The following ARAP2 variants were observed in gnomAD, a reference collection of about 807,000 sequenced individuals.
The protein encoded by ARAP2 is ArfGAP with RhoGAP domain, ankyrin repeat and PH domain 2, also known as arf-GAP with Rho-GAP domain, ANK repeat and PH domain-containing protein 2.
Under a neutral mutation model 194.5 loss-of-function variants are expected in ARAP2, and 148 were observed. The ratio of observed to expected loss-of-function variants is 0.76; its 90% confidence interval spans 0.67 to 0.87. ARAP2 has a LOEUF of 0.87. ARAP2 is among the 40% of genes least tolerant of loss of function. The pLI, the probability that ARAP2 is intolerant of heterozygous loss-of-function variation, is 0.00. For missense variants in ARAP2, 2,128 were observed against 1,989.7 expected, an observed-to-expected ratio of 1.07 and a Z score of -1.32; for synonymous variants, 695 against 683.5, an observed-to-expected ratio of 1.02 and a Z score of -0.26.
intron 6 of ARAP2, chr4:36,019,117 T>TATAAAATACATCTTTA (rs1560273618): frequency 6.7e-6 from 1 of 149,584 alleles, no homozygotes; most frequent in Non-Finnish European, 1.5e-5. Context: ...AATACATCTT[T>TATAAAATACATCTTTA]TAAAAATTGT....
At chr4:36,184,507 C>T (rs1197193405) in intron 8 of ARAP2, among the ~76,000 whole-genome samples, 1 of 151,970 alleles carries the variant, frequency 6.6e-6, no homozygotes, top group Non-Finnish European at 1.5e-5. Context: ...TTATACTGCC[C>T]CAAGTTTATA....
chr4:36,228,131 C>G (rs770901993), intron 2 of ARAP2, among the ~76,000 whole-genome samples: 1 of 152,142 alleles, frequency 6.6e-6, no homozygotes, highest in Non-Finnish European at 1.5e-5. Context: ...AGACCAAGTT[C>G]AATAGACATG....
chr4:36,156,317 A>AAGGG (rs1370640800), intron 15 of ARAP2, among the ~76,000 whole-genome samples: 48 of 112,468 alleles, frequency 4.3e-4, no homozygotes, highest in East Asian at 6.1e-4. Context: ...GGAAGGAAGG[A>AAGGG]AGGGAGGGAG....
At chr4:36,074,475 G>T (rs1379000887) in intron 31 of ARAP2, among the ~76,000 whole-genome samples, 1 of 151,934 alleles carries the variant, frequency 6.6e-6, no homozygotes, top group Non-Finnish European at 1.5e-5. Context: ...TTTGGATGGG[G>T]ATAAATGTTC....
At position 36,082,177 on chromosome 4, in the gene ARAP2, A is replaced by G. The variant is rs186861861; in HGVS notation, c.4544+74T>C. The G allele has an allele frequency of 3.7e-3, 4,964 of 1,355,928 alleles. 20 individuals carry two copies. The highest frequency in any genetic ancestry group is 4.5e-3 in the Non-Finnish European group (4,344 of 962,988). 84.0% of individuals were successfully genotyped at this position (1,355,928 alleles called of 1,614,324 possible). On this transcript the variant is annotated intron_variant, in intron 30 of 32. Transcript: ENST00000303965. ...ACTTTCCGTCTGTAGTTCTATCTGC[A>G]ATTACTGAAATTATTCTTTTCCTGA...
At chr4:36,075,469 C>A (rs1001565282) in intron 31 of ARAP2, among the ~76,000 whole-genome samples, 1 of 152,084 alleles carries the variant, frequency 6.6e-6, no homozygotes, top group South Asian at 2.1e-4. Flanking sequence ...AAAGACCACA[C>A]CTAAACATCT....
At chr4:36,051,756 C>T (rs957750022) in intron 3 of ARAP2, among the ~76,000 whole-genome samples, 1 of 152,064 alleles carries the variant, frequency 6.6e-6, no homozygotes, top group African/African-American at 2.4e-5. Flanking sequence ...ATTTATAAAT[C>T]TACTTAAACG....
At chr4:36,039,580 C>T (rs924471641) in intron 5 of ARAP2, among the ~76,000 whole-genome samples, 4 of 152,114 alleles carry the variant, frequency 2.6e-5, no homozygotes, top group African/African-American at 7.2e-5. Context: ...AAATCCTGCT[C>T]ATATTTTTAA....
rs538544073 is a variant in ARAP2, at chr4:36,177,888, T to C, written c.1796A>G (p.Tyr599Cys). 8.7e-5 allele frequency: 141 copies of C among 1,613,542 alleles called. 1 individual carries two copies. The South Asian group carries it at 1.2e-3, about 13-fold the overall frequency. ...TAACACAGTAAAAATTTTTGCCTTA[T>C]AGCCTCTCAATTCAAGATATCCACA... is the stretch of plus-strand genomic sequence containing the variant. ...EKCGYLELRG[Y>C]KAKIFTVLSG... Residue 599 changes from tyrosine (Y) to cysteine (C), a missense_variant, in exon 9 of 33, where the codon TAT becomes TGT. Physicochemically the swap from Tyr to Cys is radical, Grantham distance 194 (BLOSUM62 -2). Transcript: ENST00000303965.
chr4:36,062,067 T>A (rs1476762427), downstream of ARAP2, among the ~76,000 whole-genome samples: 1 of 152,226 alleles, frequency 6.6e-6, no homozygotes, highest in Non-Finnish European at 1.5e-5. Flanking sequence ...GTTGGATAGT[T>A]TGCAAATATT....
chr4:36,055,603 G>T (rs558307430), intron 2 of ARAP2, among the ~76,000 whole-genome samples: 2 of 151,510 alleles, frequency 1.3e-5, no homozygotes, highest in Non-Finnish European at 2.9e-5. Flanking sequence ...TCACTCTGTC[G>T]CCCAGGCTGG....
chr4:36,092,443 T>C (rs912726400), intron 27 of ARAP2, among the ~76,000 whole-genome samples: 2 of 152,110 alleles, frequency 1.3e-5, no homozygotes, highest in Non-Finnish European at 2.9e-5. Flanking sequence ...AACCCGTCTC[T>C]ACTAAAAATA....
chr4:36,189,920 C>A (rs1040863409), intron 7 of ARAP2, among the ~76,000 whole-genome samples: 1 of 152,186 alleles, frequency 6.6e-6, no homozygotes, highest in African/African-American at 2.4e-5. Flanking sequence ...TCCAGTCCAT[C>A]TGAAATAGAA....
chr4:36,035,532 T>C (rs1043087382), intron 5 of ARAP2, among the ~76,000 whole-genome samples: 1 of 152,160 alleles, frequency 6.6e-6, no homozygotes, highest in African/African-American at 2.4e-5. Flanking sequence ...ATATGCCTAG[T>C]AATAAAATTA....
chr4:36,215,617 C>T (rs915297184), intron 2 of ARAP2, among the ~76,000 whole-genome samples: 21 of 152,164 alleles, frequency 1.4e-4, no homozygotes, highest in Admixed American at 5.2e-4. Context: ...TATAATGTCA[C>T]GTACTAGTGA....
chr4:36,202,900 C>T (rs1361175839), intron 6 of ARAP2, among the ~76,000 whole-genome samples: 2 of 152,150 alleles, frequency 1.3e-5, no homozygotes, highest in African/African-American at 4.8e-5. Flanking sequence ...GTGAACTGAT[C>T]GCTAATCCAG....
chr4:36,178,059 A>T, intron 8 of ARAP2, 54 bp from the exon 9 acceptor site: 2 of 1,471,656 alleles, frequency 1.4e-6, no homozygotes, highest in Non-Finnish European at 1.8e-6. Flanking sequence ...TTACATAGAC[A>T]CAGAAACGTC....
intron 8 of ARAP2, among the ~76,000 whole-genome samples, chr4:36,183,482 G>T (rs142030389): frequency 2.8e-4 from 42 of 152,146 alleles, no homozygotes; most frequent in Admixed American, 4.6e-4. Context: ...CTTGGAAAGG[G>T]AATGCCCACT....
rs772608807 is a variant in ARAP2, at chr4:36,212,464, A to C, written c.1065T>G (p.Phe355Leu). The change falls in exon 5 of 33, where the codon TTT becomes TTG. Residue 355 changes from phenylalanine to leucine, a missense_variant. Coordinates refer to ENST00000303965, the MANE Select transcript of ARAP2 (RefSeq NM_015230.4). Reference protein sequence around the residue: ...NSKKRSIKNEFLTQGEALKGE... With the variant: ...NSKKRSIKNELLTQGEALKGE... ...CTTTGAGTGCTTCTCCCTGGGTCAAAAATTCATTCTTTATAGATCGCTTCT... is the reference window on the plus strand; with the variant it reads ...CTTTGAGTGCTTCTCCCTGGGTCAACAATTCATTCTTTATAGATCGCTTCT... 3.5e-5 allele frequency: 56 copies of C among 1,612,030 alleles called. No individual in the cohort carries two copies. The highest frequency in any genetic ancestry group is 2.7e-5 in the Non-Finnish European group (32 of 1,178,680).
Sources: gnomAD v4.1 joint callset for allele counts (sites outside exome capture counted in the v4.1 genomes callset) on GRCh38, gnomAD v4.1.1 for gene constraint, MANE v1.5 for transcripts, NCBI Gene and HGNC (gene_info 2026-07-23, HGNC 2026-07-21) for gene names.